Variants in BAIAP2 observed in about 807,000 individuals in gnomAD.
The protein encoded by BAIAP2 is BAR/IMD domain-containing adapter protein 2.
A neutral mutation model predicts 63.0 loss-of-function variants in BAIAP2; 18 were observed. The ratio of observed to expected loss-of-function variants is 0.29; its 90% CI spans 0.20 to 0.42. The LOEUF is 0.42. Among genes scored for constraint, BAIAP2 ranks in the 10% least tolerant of loss-of-function variants. The pLI is 1.00. For synonymous variants in BAIAP2, 386 were observed against 307.6 expected (o/e 1.25, Z -2.67); for missense variants, 610 against 734.3 (o/e 0.83, Z 1.96).
intron 1 of BAIAP2, among the ~76,000 whole-genome samples, chr17:81,044,959 A>G (rs189952711): frequency 1.8e-3 from 267 of 152,274 alleles, no homozygotes; most frequent in African/African-American, 6.3e-3. Context: ...GTGGCTGGAC[A>G]TTGGAAGGTG....
At chr17:81,109,009 C>G (rs888612688) in intron 13 of BAIAP2, 1 of 1,545,544 alleles carries the variant, frequency 6.5e-7, no homozygotes, top group African/African-American at 1.4e-5. Context: ...GGACGCTGAC[C>G]CCGGGCAGCC....
At chr17:81,060,253 G>A (rs1396315973) in intron 3 of BAIAP2, among the ~76,000 whole-genome samples, 1 of 152,138 alleles carries the variant, frequency 6.6e-6, no homozygotes, top group Non-Finnish European at 1.5e-5. Flanking sequence ...TTTACAGTGT[G>A]CAACCATTGC....
chr17:81,045,474 C>T (rs751806544), intron 1 of BAIAP2, among the ~76,000 whole-genome samples: 5 of 152,118 alleles, frequency 3.3e-5, no homozygotes, highest in Non-Finnish European at 7.4e-5. Context: ...GCGGGTAGGG[C>T]AGGCAGCATG....
In BAIAP2 at chr17:81,104,688, A is replaced by T; in HGVS notation, c.1241A>T (p.His414Leu). The T allele has an allele frequency of 6.3e-7, 1 of 1,595,678 alleles. No individual in the cohort carries two copies. The highest frequency in any genetic ancestry group is 2.3e-5 in the East Asian group (1 of 43,850). The change falls in exon 10 of 14, where the codon CAC becomes CTC. Residue 414 changes from histidine to leucine, a missense_variant. Around this residue, in one of 5 missense-constraint regions of BAIAP2, gnomAD observed 67 missense variants for 132.0 expected, o/e 0.51. Transcript: ENST00000428708. Reference sequence around the variant, plus strand: ...GTGCCTGAGGCCCGCGATGGCTGGCACTACGGAGAGAGTGAGAAGACCAAG... The same window carrying T: ...GTGCCTGAGGCCCGCGATGGCTGGCTCTACGGAGAGAGTGAGAAGACCAAG... ...LLVPEARDGW[H>L]YGESEKTKMR...
chr17:81,035,442 C>A lies in BAIAP2; in HGVS notation c.54+134C>A, dbSNP rs569971382. ...AGGAGGCTGGGACTTTGGGGGTCTT[C>A]CCGGCGCGGCCACCCGGGACCCGGG... On this transcript the variant is annotated intron_variant, in intron 1 of 13. Transcript: ENST00000428708. 7 of 384,964 alleles carry A rather than the reference C, an allele frequency of 1.8e-5. No individual in the cohort carries two copies. In the South Asian group the frequency reaches 7.1e-4, roughly 39 times the overall value. The allele number at this position is 384,964 out of a possible 1,614,324, so 23.8% of individuals were successfully genotyped here.
intron 7 of BAIAP2, 81 bp downstream of exon 7, chr17:81,100,161 C>A (rs1171031486): frequency 1.3e-6 from 2 of 1,483,556 alleles, no homozygotes; most frequent in African/African-American, 1.4e-5. Flanking sequence ...CAGCCCCAGC[C>A]CCGTGAACAC....
intron 5 of BAIAP2, 125 bp downstream of exon 5, chr17:81,085,850 C>T (rs2055520171): frequency 1.4e-6 from 1 of 723,450 alleles, no homozygotes; most frequent in Non-Finnish European, 2.3e-6. Flanking sequence ...ACATGGGCCC[C>T]AGCTCTGACT....
At chr17:81,106,706 C>T in intron 11 of BAIAP2, 39 bp from the exon 12 acceptor site, 1 of 1,610,994 alleles carries the variant, frequency 6.2e-7, no homozygotes, top group Non-Finnish European at 8.5e-7. Flanking sequence ...TTGGGGGCAT[C>T]CGGCCTGCTG....
chr17:81,108,852 G>T, intron 13 of BAIAP2: 1 of 1,433,566 alleles, frequency 7.0e-7, no homozygotes, highest in Non-Finnish European at 9.3e-7. Flanking sequence ...CTTCCTGGAG[G>T]GTCAGGAGGC....
intron 12 of BAIAP2, chr17:81,107,592 G>C (rs919985994): frequency 2.6e-5 from 4 of 152,404 alleles, no homozygotes; most frequent in African/African-American, 9.6e-5. Context: ...GGAGACCCCT[G>C]TCTGTCTGGG....
At position 81,046,592 on chromosome 17, in the gene BAIAP2, C is replaced by A. The variant is rs1004730521; in HGVS notation, c.55-7076C>A. On this transcript the variant is annotated intron_variant, in intron 1 of 13. Coordinates refer to ENST00000428708, the MANE Select transcript of BAIAP2 (RefSeq NM_001144888.2). The surrounding 1 kb of genome is among the most constrained non-coding windows in gnomAD (Gnocchi z 4.5). Reference sequence around the variant, plus strand: ...GCCCTGGAGGACGCTGCCACCTTCCCGATGCTCTCTGCCCACAGAAGTCCC... The same window carrying A: ...GCCCTGGAGGACGCTGCCACCTTCCAGATGCTCTCTGCCCACAGAAGTCCC... Among the ~76,000 whole-genome samples the A allele has an allele frequency of 3.3e-5, 5 of 151,986 alleles. No homozygotes were observed. Among genetic ancestry groups the A allele is most frequent in the Non-Finnish European group, 7.4e-5 (5 of 67,982 alleles).
chr17:81,066,632 A>AGG (rs2051515808), intron 3 of BAIAP2, among the ~76,000 whole-genome samples: 1 of 152,206 alleles, frequency 6.6e-6, no homozygotes, highest in South Asian at 2.1e-4. Context: ...CCTGTGCAGA[A>AGG]GGGAAGGTCC....
intron 3 of BAIAP2, among the ~76,000 whole-genome samples, chr17:81,082,426 A>G (rs114601634): frequency 0.043 from 6,603 of 152,140 alleles, 507 homozygotes; most frequent in African/African-American, 0.15. Flanking sequence ...GCAGAGGGTG[A>G]GCAACTGTGT....
chr17:81,061,404 G>T (rs917868095), intron 3 of BAIAP2, among the ~76,000 whole-genome samples: 1 of 151,914 alleles, frequency 6.6e-6, no homozygotes, highest in Admixed American at 6.5e-5. Context: ...TGGTGAACTT[G>T]TCCGTCTCTC....
intron 6 of BAIAP2, among the ~76,000 whole-genome samples, chr17:81,092,012 C>T (rs115069089): frequency 0.012 from 1,835 of 152,356 alleles, 35 homozygotes; most frequent in African/African-American, 0.041. Context: ...CCTCAGCTGC[C>T]GCTGATGAAG....
chr17:81,093,010 G>C (rs2057038507), intron 6 of BAIAP2, among the ~76,000 whole-genome samples: 1 of 152,146 alleles, frequency 6.6e-6, no homozygotes, highest in Non-Finnish European at 1.5e-5. Flanking sequence ...GCAGGGCCCG[G>C]GGGACGTGTC....
In BAIAP2 at chr17:81,103,562, A is replaced by G. The variant is rs2058765625; in HGVS notation, c.703A>G (p.Lys235Glu). Residue 235 changes from lysine to glutamate, a missense_variant, in exon 8 of 14, where the codon AAG becomes GAG. Physicochemically the swap from Lys to Glu is moderately conservative, Grantham distance 56. Transcript: ENST00000428708. ...GCAACAGGCCTGTGCCGACCCCAGC[A>G]AGATCCCGGAGCGCGCGGTGCAGCT... ...LWQQACADPSKIPERAVQLMQ... is the reference protein window; with the variant it reads ...LWQQACADPSEIPERAVQLMQ... The G allele has an allele frequency of 1.9e-6, 3 of 1,601,046 alleles. No homozygotes were observed. Among genetic ancestry groups the G allele is most frequent in the South Asian group, 1.1e-5 (1 of 90,634 alleles).
intron 1 of BAIAP2, among the ~76,000 whole-genome samples, chr17:81,049,271 C>T (rs1457680375): frequency 1.3e-5 from 2 of 152,214 alleles, no homozygotes; most frequent in African/African-American, 2.4e-5. Flanking sequence ...GGAGCTCTCT[C>T]TGTGCCTGTG....
intron 1 of BAIAP2, among the ~76,000 whole-genome samples, chr17:81,039,308 G>A (rs2143426201): frequency 6.6e-6 from 1 of 152,366 alleles, no homozygotes; most frequent in East Asian, 1.9e-4. Context: ...CCTGCCGGTT[G>A]TTGGCTCCAG....
Sources: allele counts gnomAD v4.1 joint callset (sites outside exome capture counted in the v4.1 genomes callset), GRCh38; gene constraint gnomAD v4.1.1; regional missense constraint gnomAD v4.1.1; non-coding constraint Gnocchi (gnomAD v3.1); transcripts MANE v1.5; gene names NCBI Gene and HGNC (gene_info 2026-07-23, HGNC 2026-07-21).